HIPK3: variants seen among roughly 807,000 people sequenced by gnomAD.
HIPK3 encodes homeodomain interacting protein kinase 3, also known as homeodomain-interacting protein kinase 3.
In HIPK3, 47 loss-of-function variants were observed where a neutral mutation model predicts 124.2. The observed-to-expected ratio is 0.38, with a 90% CI of 0.30 to 0.48. The LOEUF (loss-of-function observed/expected upper bound fraction) is 0.48, where lower values mean the gene tolerates loss of function less well. HIPK3 is among the 20% of genes least tolerant of loss of function. The pLI is 0.98. For synonymous variants in HIPK3, 482 were observed against 515.2 expected (o/e 0.94, Z 0.87); for missense variants, 1,286 against 1,454.3 (o/e 0.88, Z 1.88).
At chr11:33,307,079 T>A (rs902910092) in intron 2 of HIPK3, among the ~76,000 whole-genome samples, 7 of 151,948 alleles carry the variant, frequency 4.6e-5, no homozygotes, top group Admixed American at 2.0e-4. Flanking sequence ...GCTGGGATTA[T>A]AGGCATCCGC....
chr11:33,335,885 C>G (rs1002105203), intron 3 of HIPK3: 1 of 152,156 alleles, frequency 6.6e-6, no homozygotes, highest in African/African-American at 2.4e-5. Flanking sequence ...TGCTAAGCCC[C>G]TGTTTATCCC....
chr11:33,325,529 T>G (rs1333335969), intron 2 of HIPK3, among the ~76,000 whole-genome samples: 1 of 152,216 alleles, frequency 6.6e-6, no homozygotes, highest in Non-Finnish European at 1.5e-5. Context: ...GCTTTGAATC[T>G]TTTTTAGTAT....
chr11:33,310,321 T>TCTATCTAATCTATCTATCTAC (rs1852297727), intron 2 of HIPK3, among the ~76,000 whole-genome samples: 1 of 144,956 alleles, frequency 6.9e-6, no homozygotes. Context: ...TATCTATCTA[T>TCTATCTAATCTATCTATCTAC]TCTATTGAGG....
At chr11:33,300,124 A>G (rs2133924409) in intron 2 of HIPK3, among the ~76,000 whole-genome samples, 1 of 151,636 alleles carries the variant, frequency 6.6e-6, no homozygotes, top group East Asian at 1.9e-4. Context: ...GGCAGATCAC[A>G]AGGTCAGGAG....
At chr11:33,351,551 CATT>C in intron 14 of HIPK3, 54 bp from the exon 15 acceptor site, 1 of 1,193,886 alleles carries the variant, frequency 8.4e-7, no homozygotes, top group East Asian at 2.3e-5. Context: ...TATTACTTAA[CATT>C]AGATTTAATG....
chr11:33,265,812 ACGGTGGCTCACGC>A (rs1456430783), intron 1 of HIPK3, among the ~76,000 whole-genome samples: 3 of 146,434 alleles, frequency 2.0e-5, no homozygotes, highest in Admixed American at 6.9e-5. Context: ...TGGGCCGGGC[ACGGTGGCTCACGC>A]CTGTAATCCC....
chr11:33,273,041 C>G (rs949748951), intron 1 of HIPK3, among the ~76,000 whole-genome samples: 1 of 151,208 alleles, frequency 6.6e-6, no homozygotes, highest in Non-Finnish European at 1.5e-5. Context: ...GCCATCTTGC[C>G]CAGGATGATC....
At chr11:33,275,418 T>C (rs1851245744) in intron 1 of HIPK3, among the ~76,000 whole-genome samples, 1 of 152,192 alleles carries the variant, frequency 6.6e-6, no homozygotes, top group African/African-American at 2.4e-5. Flanking sequence ...TTTAAAATAT[T>C]GACACCTAGT....
chr11:33,297,561 G>A (rs982884697), intron 2 of HIPK3, among the ~76,000 whole-genome samples: 7 of 152,168 alleles, frequency 4.6e-5, no homozygotes, highest in Non-Finnish European at 8.8e-5. Context: ...TGATTCATGA[G>A]GTTTAAGGAA....
chr11:33,292,939 G>A (rs1040154022), intron 2 of HIPK3, among the ~76,000 whole-genome samples: 6 of 152,082 alleles, frequency 3.9e-5, no homozygotes, highest in East Asian at 1.9e-4. Context: ...GGATTTCACC[G>A]TGTTAGCCAG....
intron 2 of HIPK3, among the ~76,000 whole-genome samples, chr11:33,323,637 G>T (rs1852729255): frequency 6.6e-6 from 1 of 152,190 alleles, no homozygotes; most frequent in Admixed American, 6.5e-5. Flanking sequence ...TTGAGGAAGT[G>T]GGGGAGTGAC....
intron 2 of HIPK3, among the ~76,000 whole-genome samples, chr11:33,311,583 TACAC>T (rs911928080): frequency 9.9e-5 from 15 of 152,184 alleles, no homozygotes; most frequent in African/African-American, 2.7e-4. Context: ...CCTGCCTCTG[TACAC>T]ATACAGCCTG....
chr11:33,287,615 A>C, intron 2 of HIPK3, 104 bp downstream of exon 2: 1 of 1,253,000 alleles, frequency 8.0e-7, no homozygotes, highest in Non-Finnish European at 1.1e-6. Context: ...CTTCAGTTAA[A>C]TAAGGAAATC....
chr11:33,328,435 TC>T, intron 2 of HIPK3, 74 bp from the exon 3 acceptor site: 3 of 1,442,742 alleles, frequency 2.1e-6, no homozygotes, highest in South Asian at 1.2e-5. Context: ...TTTACCAACT[TC>T]CTAGAATGCC....
chr11:33,268,295 A>G (rs1485766286), intron 1 of HIPK3, among the ~76,000 whole-genome samples: 2 of 152,174 alleles, frequency 1.3e-5, no homozygotes, highest in East Asian at 3.8e-4. Context: ...ATACATGTGT[A>G]TTTAAAATTG....
intron 1 of HIPK3, among the ~76,000 whole-genome samples, chr11:33,272,217 G>A (rs559067445): frequency 5.3e-5 from 8 of 152,234 alleles, no homozygotes; most frequent in African/African-American, 1.9e-4. Flanking sequence ...GGCCAACATG[G>A]TGAAACCCCA....
intron 2 of HIPK3, among the ~76,000 whole-genome samples, chr11:33,323,377 G>A (rs181524659): frequency 6.2e-4 from 95 of 152,242 alleles, no homozygotes; most frequent in African/African-American, 2.1e-3. Flanking sequence ...CCAAGTAGCC[G>A]GGATTACAGG....
At chr11:33,334,311 G>A (rs1401257024) in intron 3 of HIPK3, among the ~76,000 whole-genome samples, 1 of 152,146 alleles carries the variant, frequency 6.6e-6, no homozygotes, top group African/African-American at 2.4e-5. Context: ...AGATTCTTGA[G>A]CTGAGTCTTG....
chr11:33,302,089 A>T (rs578016306), intron 2 of HIPK3, among the ~76,000 whole-genome samples: 10 of 152,152 alleles, frequency 6.6e-5, no homozygotes, highest in Non-Finnish European at 1.5e-4. Flanking sequence ...CATTGTAATC[A>T]ATCTAGATAT....
Sources: allele counts gnomAD v4.1 joint callset (sites outside exome capture counted in the v4.1 genomes callset), GRCh38; gene constraint gnomAD v4.1.1; transcripts MANE v1.5; gene names NCBI Gene and HGNC (gene_info 2026-07-23, HGNC 2026-07-21).